The following GMDS variants were observed in gnomAD, a reference collection of about 807,000 sequenced individuals.
The protein encoded by GMDS is GDP-mannose 4,6-dehydratase, also known as GDP-mannose 4,6 dehydratase.
GMDS carries 20 observed loss-of-function variants against 49.9 expected under a neutral mutation model. That is an observed-to-expected ratio of 0.40 (90% CI 0.28 to 0.58). The LOEUF is 0.58. GMDS is among the 20% of genes least tolerant of loss of function. GMDS has a pLI of 0.42. For synonymous variants in GMDS, 177 were observed against 178.6 expected, an observed-to-expected ratio of 0.99 and a Z score of 0.07; for missense variants, 362 against 481.4, an observed-to-expected ratio of 0.75 and a Z score of 2.32.
intron 9 of GMDS, among the ~76,000 whole-genome samples, chr6:1,724,757 T>C (rs1766511071): frequency 6.6e-6 from 1 of 152,186 alleles, no homozygotes; most frequent in Admixed American, 6.5e-5. Flanking sequence ...GTCCCTGCTA[T>C]GTCAGCACAG....
intron 7 of GMDS, among the ~76,000 whole-genome samples, chr6:1,744,628 C>G (rs1201835428): frequency 1.3e-5 from 2 of 152,138 alleles, no homozygotes; most frequent in Non-Finnish European, 1.5e-5. Flanking sequence ...AAGTACAGCC[C>G]AGGCTCGGCA....
At chr6:2,099,317 C>A (rs949917010) in intron 4 of GMDS, among the ~76,000 whole-genome samples, 8 of 152,088 alleles carry the variant, frequency 5.3e-5, no homozygotes, top group African/African-American at 1.9e-4. Flanking sequence ...TATTAAGAAG[C>A]TTAGTTTTCA....
At chr6:1,944,025 C>T (rs962105576) in intron 6 of GMDS, among the ~76,000 whole-genome samples, 1 of 144,126 alleles carries the variant, frequency 6.9e-6, no homozygotes, top group African/African-American at 2.5e-5. Flanking sequence ...TGACTTATCC[C>T]ACATCGTTCC....
intron 4 of GMDS, among the ~76,000 whole-genome samples, chr6:2,082,089 T>C (rs1056632808): frequency 3.9e-5 from 6 of 152,174 alleles, no homozygotes; most frequent in Non-Finnish European, 8.8e-5. Flanking sequence ...ATACAAACAA[T>C]TATATGCATA....
In GMDS at chr6:1,809,717, GA is replaced by G. The variant is rs534081133; in HGVS notation, c.772-67132del. Among the ~76,000 whole-genome samples the G allele has an allele frequency of 2.2e-3, 330 of 152,214 alleles. 1 individual carries two copies. Among genetic ancestry groups the G allele is most frequent in the African/African-American group, 7.4e-3 (306 of 41,542 alleles). ...AGAAGAGGGCTAGTGAAAGAATTCT[GA>G]AATCCTAAGAACAGATCAGGATTAA... On this transcript the variant is annotated intron_variant, in intron 7 of 10. Coordinates refer to ENST00000380815, the MANE Select transcript of GMDS (RefSeq NM_001500.4).
At chr6:2,130,450 A>C (rs1247843208) in intron 1 of GMDS, among the ~76,000 whole-genome samples, 1 of 152,228 alleles carries the variant, frequency 6.6e-6, no homozygotes, top group Admixed American at 6.5e-5. Context: ...CCAGCAGCTA[A>C]GATACTCTTT....
intron 1 of GMDS, among the ~76,000 whole-genome samples, chr6:2,153,997 T>C (rs1335784846): frequency 6.6e-6 from 1 of 152,180 alleles, no homozygotes; most frequent in Non-Finnish European, 1.5e-5. Flanking sequence ...AGAGACTTTA[T>C]ATACAGTTTG....
intron 4 of GMDS, among the ~76,000 whole-genome samples, chr6:1,967,944 C>G (rs1446287645): frequency 6.6e-6 from 1 of 152,162 alleles, no homozygotes; most frequent in Non-Finnish European, 1.5e-5. Context: ...GATATAGATG[C>G]TGAAAGTTCA....
At chr6:2,046,925 C>G (rs969510451) in intron 4 of GMDS, among the ~76,000 whole-genome samples, 1 of 152,100 alleles carries the variant, frequency 6.6e-6, no homozygotes, top group East Asian at 1.9e-4. Context: ...AAAGTATCCC[C>G]CAACTCCATC....
At chr6:1,782,583 T>A (rs1769145810) in intron 7 of GMDS, among the ~76,000 whole-genome samples, 1 of 152,256 alleles carries the variant, frequency 6.6e-6, no homozygotes, top group Admixed American at 6.5e-5. Context: ...ATGCTCTTTA[T>A]AAAGAGACTT....
intron 9 of GMDS, among the ~76,000 whole-genome samples, chr6:1,683,602 T>G (rs570688655): frequency 6.6e-6 from 1 of 152,320 alleles, no homozygotes; most frequent in South Asian, 2.1e-4. Flanking sequence ...CCTCATGGCT[T>G]TCAAGGATGA....
At chr6:1,841,384 T>C (rs78274480) in intron 7 of GMDS, among the ~76,000 whole-genome samples, 2,116 of 152,282 alleles carry the variant, frequency 0.014, 51 homozygotes, top group African/African-American at 0.049. Flanking sequence ...TCCTGGAAAA[T>C]AGTGTTTCCT....
rs143419398 is a variant in GMDS at position 2,107,044 on chromosome 6, C to T, written c.345+8727G>A. Among the ~76,000 whole-genome samples, 277 of 152,118 alleles carry T rather than the reference C, an allele frequency of 1.8e-3. 1 individual carries two copies. The highest frequency in any genetic ancestry group is 6.3e-3 in the African/African-American group (263 of 41,490). On this transcript the variant is annotated intron_variant, in intron 4 of 10. Transcript: ENST00000380815. The stretch of plus-strand genomic sequence containing the variant: ...ATGTTGCAATACTAAAATAATGCTA[C>T]TCTGGATTTTATTTAGTAAACAAGC...
chr6:1,739,442 G>A (rs1267047487), intron 8 of GMDS, among the ~76,000 whole-genome samples: 3 of 152,182 alleles, frequency 2.0e-5, no homozygotes, highest in African/African-American at 4.8e-5. Context: ...ACATCCTGCC[G>A]TTCTTCTGCA....
At chr6:1,687,201 C>T (rs570586004) in intron 9 of GMDS, among the ~76,000 whole-genome samples, 3 of 152,314 alleles carry the variant, frequency 2.0e-5, no homozygotes, top group Admixed American at 6.5e-5. Context: ...AAAAAACTCC[C>T]ATAACAGAAA....
chr6:1,960,091 G>GTA, intron 5 of GMDS, 120 bp from the exon 6 acceptor site: 1 of 535,174 alleles, frequency 1.9e-6, no homozygotes, highest in Non-Finnish European at 3.4e-6. Flanking sequence ...ATACAAAAAA[G>GTA]TATCAAAACC....
At chr6:1,994,103 G>A (rs985189568) in intron 4 of GMDS, among the ~76,000 whole-genome samples, 47 of 152,338 alleles carry the variant, frequency 3.1e-4, no homozygotes, top group African/African-American at 1.1e-3. Context: ...TAAGTTCATA[G>A]AATAGTTAAG....
chr6:1,953,872 T>C (rs756246020), intron 6 of GMDS, among the ~76,000 whole-genome samples: 1 of 152,182 alleles, frequency 6.6e-6, no homozygotes, highest in Non-Finnish European at 1.5e-5. Flanking sequence ...ACAACTTATA[T>C]AATAATTAAT....
intron 7 of GMDS, among the ~76,000 whole-genome samples, chr6:1,861,425 G>A (rs750291882): frequency 6.6e-6 from 1 of 152,142 alleles, no homozygotes; most frequent in African/African-American, 2.4e-5. Context: ...GGGATGGTGA[G>A]GGGTTTAATT....
Sources: gnomAD v4.1 joint callset for allele counts (sites outside exome capture counted in the v4.1 genomes callset) on GRCh38, gnomAD v4.1.1 for gene constraint, MANE v1.5 for transcripts, NCBI Gene and HGNC (gene_info 2026-07-23, HGNC 2026-07-21) for gene names.